Variants in CDH18 observed in about 807,000 individuals in gnomAD.
The protein encoded by CDH18 is cadherin 18.
Under a neutral mutation model 67.9 loss-of-function variants are expected in CDH18, and 31 were observed. The observed-to-expected ratio is 0.46, with a 90% confidence interval of 0.34 to 0.62. The LOEUF (loss-of-function observed/expected upper bound fraction) is 0.62, where lower values mean the gene tolerates loss of function less well. CDH18 is among the 20% of genes least tolerant of loss of function. The pLI is 0.01. For synonymous variants in CDH18, 362 were observed against 347.2 expected (o/e 1.04, Z -0.48); for missense variants, 890 against 975.5 (o/e 0.91, Z 1.17).
chr5:20,215,912 G>A (rs528668983), intron 2 of CDH18, among the ~76,000 whole-genome samples: 1 of 151,944 alleles, frequency 6.6e-6, no homozygotes, highest in East Asian at 1.9e-4. Flanking sequence ...CTTATAAATG[G>A]TAGCTAAATG....
chr5:19,902,587 A>T (rs1790059029), intron 2 of CDH18, among the ~76,000 whole-genome samples: 2 of 152,218 alleles, frequency 1.3e-5, no homozygotes, highest in South Asian at 4.1e-4. Context: ...AAGCAACTCC[A>T]GCCAACGGCA....
intron 1 of CDH18, among the ~76,000 whole-genome samples, chr5:20,541,343 A>G (rs941363343): frequency 3.3e-5 from 5 of 152,204 alleles, no homozygotes; most frequent in South Asian, 4.1e-4. Flanking sequence ...AAACTATGTT[A>G]TTAAAACTAT....
chr5:20,262,988 G>A (rs1287856595), intron 1 of CDH18, among the ~76,000 whole-genome samples: 2 of 140,002 alleles, frequency 1.4e-5, no homozygotes, highest in African/African-American at 5.3e-5. Context: ...GGGAAGGGAA[G>A]GGAGGGAAGG....
At chr5:19,538,193 G>C (rs944517582) in intron 9 of CDH18, among the ~76,000 whole-genome samples, 1 of 152,152 alleles carries the variant, frequency 6.6e-6, no homozygotes, top group Admixed American at 6.5e-5. Context: ...CATAGCCATT[G>C]GAGAAGAGCT....
At chr5:19,581,369 T>A (rs1372715371) in intron 7 of CDH18, among the ~76,000 whole-genome samples, 5 of 152,032 alleles carry the variant, frequency 3.3e-5, no homozygotes, top group African/African-American at 1.2e-4. Context: ...CATTTTCCCA[T>A]CAATCGTTTC....
chr5:19,969,753 G>A (rs1161546982), intron 2 of CDH18, among the ~76,000 whole-genome samples: 1 of 151,228 alleles, frequency 6.6e-6, no homozygotes, highest in Non-Finnish European at 1.5e-5. Flanking sequence ...TACATGAGGA[G>A]TTAATGGGTG....
At chr5:20,538,909 G>GTTTTTTTTTTT (rs35247774) in intron 1 of CDH18, among the ~76,000 whole-genome samples, 6 of 118,752 alleles carry the variant, frequency 5.1e-5, no homozygotes, top group African/African-American at 2.0e-4. Context: ...TTTTTTTTTT[G>GTTTTTTTTTTT]TTTTTTTTTT....
chr5:20,390,404 C>G (rs569937196), intron 1 of CDH18, among the ~76,000 whole-genome samples: 7 of 152,250 alleles, frequency 4.6e-5, no homozygotes, highest in Admixed American at 1.3e-4. Flanking sequence ...TCATCACTGG[C>G]CATCAAAGAA....
chr5:20,141,767 T>A (rs552701662), intron 2 of CDH18, among the ~76,000 whole-genome samples: 112 of 151,964 alleles, frequency 7.4e-4, no homozygotes, highest in Admixed American at 2.4e-3. Flanking sequence ...TCAGATAACA[T>A]CTGAAATGTA....
At chr5:19,481,108 A>G (rs1248788613) in intron 12 of CDH18, among the ~76,000 whole-genome samples, 2 of 152,172 alleles carry the variant, frequency 1.3e-5, no homozygotes, top group East Asian at 3.9e-4. Flanking sequence ...CGTTTGTGAC[A>G]TTATACTTTA....
At chr5:20,316,619 G>C (rs997040681) in intron 1 of CDH18, among the ~76,000 whole-genome samples, 3 of 151,974 alleles carry the variant, frequency 2.0e-5, no homozygotes, top group Non-Finnish European at 4.4e-5. Flanking sequence ...CCACTAATTA[G>C]AGCCTCGCAT....
intron 1 of CDH18, among the ~76,000 whole-genome samples, chr5:20,281,724 G>GT (rs1746293725): frequency 6.6e-6 from 1 of 152,044 alleles, no homozygotes; most frequent in Admixed American, 6.6e-5. Flanking sequence ...CTTTAAAATA[G>GT]TTTTTTTCCA....
chr5:20,440,240 T>A (rs1229200057), intron 1 of CDH18, among the ~76,000 whole-genome samples: 1 of 151,822 alleles, frequency 6.6e-6, no homozygotes, highest in Non-Finnish European at 1.5e-5. Flanking sequence ...GATCTGACTT[T>A]GAGAGTTGAA....
At chr5:20,153,528 G>A (rs1751283077) in intron 2 of CDH18, among the ~76,000 whole-genome samples, 2 of 152,102 alleles carry the variant, frequency 1.3e-5, no homozygotes, top group African/African-American at 4.8e-5. Flanking sequence ...ATAAATTGCT[G>A]AAATGTGTAT....
chr5:20,407,754 A>G (rs753300668), intron 1 of CDH18, among the ~76,000 whole-genome samples: 3 of 151,994 alleles, frequency 2.0e-5, no homozygotes, highest in Non-Finnish European at 2.9e-5. Flanking sequence ...AAGAAAACAT[A>G]AGGCACTTAT....
At chr5:20,106,128 G>C (rs1182214330) in intron 2 of CDH18, among the ~76,000 whole-genome samples, 1 of 152,136 alleles carries the variant, frequency 6.6e-6, no homozygotes, top group Non-Finnish European at 1.5e-5. Flanking sequence ...AGCAGGAGGA[G>C]AGAGGTTGTG....
rs186908698 is a variant in CDH18 at position 19,963,640 on chromosome 5, T to G, written c.-257+17420A>C. 8.6e-4 allele frequency among the ~76,000 whole-genome samples: 131 copies of G among 152,242 alleles called. 5 individuals carry two copies. Among genetic ancestry groups the G allele is most frequent in the South Asian group, 8.3e-4 (4 of 4,828 alleles). ...TGTTTGCTTCCCCTTCAACCATGAT[T>G]ATAAGTTTCCTGAGGCCTCCCCAGC... On this transcript the variant is annotated intron_variant, in intron 2 of 12. Transcript: ENST00000382275.
At chr5:19,775,302 C>A (rs957523807) in intron 3 of CDH18, among the ~76,000 whole-genome samples, 8 of 152,112 alleles carry the variant, frequency 5.3e-5, no homozygotes, top group African/African-American at 1.9e-4. Context: ...TTAGGCCATT[C>A]TTGCATTGCT....
At chr5:19,548,785 T>C (rs979025615) in intron 8 of CDH18, among the ~76,000 whole-genome samples, 32 of 151,578 alleles carry the variant, frequency 2.1e-4, no homozygotes, top group African/African-American at 7.8e-4. Flanking sequence ...AGTGTCGCTC[T>C]TGTTGCCCAG....
Sources: gnomAD v4.1 joint callset for allele counts (sites outside exome capture counted in the v4.1 genomes callset) on GRCh38, gnomAD v4.1.1 for gene constraint, MANE v1.5 for transcripts, NCBI Gene and HGNC (gene_info 2026-07-23, HGNC 2026-07-21) for gene names.